Variants in TMCO6 observed in about 807,000 individuals in gnomAD.
TMCO6 encodes transmembrane and coiled-coil domain-containing protein 6.
TMCO6 carries 47 observed loss-of-function variants against 61.8 expected under a neutral mutation model. The ratio of observed to expected loss-of-function variants is 0.76; its 90% CI spans 0.60 to 0.97. The LOEUF is 0.97. Among genes scored for constraint, TMCO6 ranks in the 50% least tolerant of loss-of-function variants. The pLI is 0.00. For missense variants in TMCO6, 557 were observed against 601.6 expected (o/e 0.93, Z 0.78); for synonymous variants, 261 against 254.2 (o/e 1.03, Z -0.25).
At chr5:140,636,478 AAT>A (rs1491011172), upstream of TMCO6, among the ~76,000 whole-genome samples, 124 of 147,706 alleles carry the variant, frequency 8.4e-4, no homozygotes, top group African/African-American at 1.6e-3. Flanking sequence ...CAAAAAAAAA[AAT>A]AAATAAATAA....
At chr5:140,632,133 G>A in the TMCO6 span, 5 of 1,614,194 alleles carry the variant, frequency 3.1e-6, no homozygotes, top group South Asian at 5.5e-5. The surrounding 1 kb of genome is among the most constrained non-coding windows in gnomAD (Gnocchi z 6.2). Context: ...CCCAGCGAAC[G>A]ACAGATTGAG....
the TMCO6 span, among the ~76,000 whole-genome samples, chr5:140,615,144 A>G: frequency 6.6e-6 from 1 of 152,240 alleles, no homozygotes; most frequent in Non-Finnish European, 1.5e-5. Context: ...CTGTTTCTAT[A>G]TATTAACCAT....
At chr5:140,627,718 C>CA in the TMCO6 span, among the ~76,000 whole-genome samples, 1 of 137,778 alleles carries the variant, frequency 7.3e-6, no homozygotes, top group Non-Finnish European at 1.6e-5. Flanking sequence ...CCAGTTTTTA[C>CA]ATTTTTCTTT....
At chr5:140,605,739 A>ACACACACAC in the TMCO6 span, among the ~76,000 whole-genome samples, 1 of 39,696 alleles carries the variant, frequency 2.5e-5, no homozygotes, top group African/African-American at 7.3e-5. Context: ...ACACACACAC[A>ACACACACAC]AAGAAAGAAG....
At chr5:140,627,735 T>C in the TMCO6 span, among the ~76,000 whole-genome samples, 3 of 151,536 alleles carry the variant, frequency 2.0e-5, no homozygotes, top group Non-Finnish European at 4.4e-5. Context: ...CTTTTCTTTT[T>C]TTTTTTTGAG....
upstream of TMCO6, among the ~76,000 whole-genome samples, chr5:140,638,293 G>A (rs942658224): frequency 6.6e-6 from 1 of 152,194 alleles, no homozygotes; most frequent in Non-Finnish European, 1.5e-5. Flanking sequence ...GTAAAAGAAA[G>A]TGGAGAGGAA....
rs376574572 is a variant in TMCO6 at position 140,644,988 on chromosome 5, G to C, written c.1372G>C (p.Val458Leu). 1.9e-6 allele frequency: 3 copies of C among 1,614,126 alleles called. No homozygotes were observed. Among genetic ancestry groups the C allele is most frequent in the Non-Finnish European group, 2.5e-6 (3 of 1,180,010 alleles). ...GAATTTTCTTCCCTGCCCCTAGGCT[G>C]TTCAGGTCTTCCTGCAGCAGTCAGG... The part of the protein sequence containing the change: ...HLLFLYQPEA[V>L]QVFLQQSGLQ... The change falls in exon 12 of 12, where the codon GTT (valine) becomes CTT (leucine). Residue 458 changes from valine (V) to leucine (L), a missense_variant. Physicochemically the swap from Val to Leu is conservative, Grantham distance 32. Coordinates refer to ENST00000394671, the MANE Select transcript of TMCO6 (RefSeq NM_018502.5).
chr5:140,606,751 A>G, the TMCO6 span, among the ~76,000 whole-genome samples: 1 of 151,906 alleles, frequency 6.6e-6, no homozygotes, highest in Non-Finnish European at 1.5e-5. Context: ...ACACGGTGAA[A>G]CCCTGTCTCT....
chr5:140,639,818 G>T lies in TMCO6; in HGVS notation c.165G>T (p.Glu55Asp). The change falls in exon 2 of 12, where the codon GAG (glutamate) becomes GAT (aspartate). Residue 55 changes from glutamate (E) to aspartate (D), a missense_variant. By Grantham distance (45) the Glu-to-Asp change is conservative (BLOSUM62 2). Transcript: ENST00000394671. ...LRNDAPEEAG[E>D]GCVAAILGET... ...ACGACGCCCCAGAGGAAGCTGGAGA[G>T]GGATGTGTGGCTGCGATCCTCGGGG... The T allele has an allele frequency of 6.2e-7, 1 of 1,609,684 alleles. No homozygotes were observed. The highest frequency in any genetic ancestry group is 1.3e-5 in the African/African-American group (1 of 75,036).
chr5:140,596,824 C>T, the TMCO6 span, among the ~76,000 whole-genome samples: 1 of 152,184 alleles, frequency 6.6e-6, no homozygotes, highest in African/African-American at 2.4e-5. Context: ...ACCTTGGTAA[C>T]TTTCCTGAGC....
chr5:140,641,560 C>T, intron 2 of TMCO6, 105 bp from the exon 3 acceptor site: 1 of 879,256 alleles, frequency 1.1e-6, no homozygotes, highest in Admixed American at 2.4e-5. Context: ...ATGACAAGTT[C>T]TGAAGGTGTG....
At chr5:140,616,809 G>T in the TMCO6 span, among the ~76,000 whole-genome samples, 1 of 152,048 alleles carries the variant, frequency 6.6e-6, no homozygotes, top group Non-Finnish European at 1.5e-5. Context: ...ACTTTGGGAG[G>T]CCAAGGCAAG....
Position 140,639,566 on chromosome 5 carries a change from C to G in TMCO6, c.39C>G (p.Val13=), listed in dbSNP as rs1161545175. Residue 13 remains valine (V), a synonymous_variant, in exon 1 of 12, where the codon GTC becomes GTG. Coordinates refer to ENST00000394671, the MANE Select transcript of TMCO6 (RefSeq NM_018502.5). ...SRRQGRLRPT[V]CGVEELRRRR... Reference sequence around the variant, plus strand: ...GGCAGGGCCGCCTCAGGCCCACGGTCTGCGGGGTGGAGGAGCTACGGCGCC... The same window carrying G: ...GGCAGGGCCGCCTCAGGCCCACGGTGTGCGGGGTGGAGGAGCTACGGCGCC... The G allele has an allele frequency of 6.5e-7, 1 of 1,548,260 alleles. No individual in the cohort carries two copies. Among genetic ancestry groups the G allele is most frequent in the African/African-American group, 1.4e-5 (1 of 72,962 alleles).
At position 140,644,221 on chromosome 5, in the gene TMCO6, A is replaced by G. The variant is rs375482339; in HGVS notation, c.1200+27A>G. 5 of 1,606,042 alleles carry G rather than the reference A, an allele frequency of 3.1e-6. No homozygotes were observed. In the South Asian group the frequency reaches 4.4e-5, roughly 14 times the overall value. On this transcript the variant is annotated intron_variant, in intron 10 of 11. Transcript: ENST00000394671. ...TATGTATTGGGGTTACTTGAATCCA[A>G]GATCTGGTAGTCGGATTGTATGGGA...
At chr5:140,644,938 T>G in intron 11 of TMCO6, 47 bp from the exon 12 acceptor site, 1 of 1,593,428 alleles carries the variant, frequency 6.3e-7, no homozygotes, top group African/African-American at 1.3e-5. Context: ...GAATTGAGTC[T>G]TAGGACACAG....
rs1301190892 is a variant in TMCO6, at chr5:140,645,156, G to A, written c.*58G>A. 3.2e-6 allele frequency: 5 copies of A among 1,550,954 alleles called. No homozygotes were observed. The highest frequency in any genetic ancestry group is 4.4e-6 in the Non-Finnish European group (5 of 1,125,348). On this transcript the variant is annotated 3_prime_UTR_variant, in exon 12 of 12. Coordinates refer to ENST00000394671, the MANE Select transcript of TMCO6 (RefSeq NM_018502.5). The stretch of plus-strand genomic sequence containing the variant: ...TCTTAACATCAAGCTTGTTTGTCCA[G>A]TAGAGCCTTTGGAGATTTAGGACCA...
chr5:140,637,353 T>C (rs936048981), upstream of TMCO6, among the ~76,000 whole-genome samples: 4 of 152,324 alleles, frequency 2.6e-5, no homozygotes, highest in Non-Finnish European at 5.9e-5. Flanking sequence ...GCACTCCACA[T>C]TTGGTGAAAG....
the TMCO6 span, chr5:140,632,287 C>G: frequency 6.2e-6 from 10 of 1,613,838 alleles, no homozygotes; most frequent in Middle Eastern, 1.6e-4. This position sits in a 1 kb window ranked among gnomAD's most constrained non-coding sequence, Gnocchi z 6.2. Context: ...GTCTCCATTC[C>G]TGTGTTGCGC....
the TMCO6 span, among the ~76,000 whole-genome samples, chr5:140,615,936 G>C: frequency 1.3e-5 from 2 of 152,116 alleles, no homozygotes; most frequent in African/African-American, 2.4e-5. Context: ...TTCGAGACCA[G>C]CCTGGCCAAC....
Sources: gnomAD v4.1 joint callset for allele counts (sites outside exome capture counted in the v4.1 genomes callset) on GRCh38, gnomAD v4.1.1 for gene constraint, Gnocchi (gnomAD v3.1) non-coding constraint, MANE v1.5 for transcripts, NCBI Gene and HGNC (gene_info 2026-07-23, HGNC 2026-07-21) for gene names.